The following PAPPA2 variants were observed in gnomAD, a reference collection of about 807,000 sequenced individuals.
PAPPA2 encodes pappalysin-2.
In PAPPA2, 86 loss-of-function variants were observed where a neutral mutation model predicts 176.4. That is an observed-to-expected ratio of 0.49 (90% CI 0.41 to 0.58). PAPPA2 has a LOEUF of 0.58. Ranked by LOEUF, PAPPA2 falls within the 20% of genes least tolerant of loss-of-function variation. The probability of loss-of-function intolerance (pLI) is 0.00; values close to 1 mark genes in which losing one functional copy is unlikely to be tolerated. For missense variants in PAPPA2, 2,073 were observed against 2,256.9 expected, an observed-to-expected ratio of 0.92 and a Z score of 1.65; for synonymous variants, 809 against 852.2, an observed-to-expected ratio of 0.95 and a Z score of 0.88.
chr1:176,836,767 C>G (rs1571400508), intron 21 of PAPPA2: 1 of 151,898 alleles, frequency 6.6e-6, no homozygotes, highest in African/African-American at 2.4e-5. Context: ...AACTCCTGTT[C>G]ACATCTTGAT....
intron 21 of PAPPA2, among the ~76,000 whole-genome samples, chr1:176,816,241 G>GTACATATA (rs1553209489): frequency 8.8e-5 from 10 of 113,522 alleles, no homozygotes. Context: ...GTGTGTGTGT[G>GTACATATA]TATATATATA....
chr1:176,801,672 G>A (rs1400288731), intron 21 of PAPPA2, among the ~76,000 whole-genome samples: 1 of 152,026 alleles, frequency 6.6e-6, no homozygotes. Flanking sequence ...GGCCAGGGAA[G>A]GAGGGAGATA....
At chr1:176,686,134 G>A (rs1052256761) in intron 4 of PAPPA2, among the ~76,000 whole-genome samples, 9 of 152,184 alleles carry the variant, frequency 5.9e-5, no homozygotes, top group African/African-American at 1.2e-4. Context: ...TGTGAGAGTG[G>A]ATGAAGGGTG....
intron 3 of PAPPA2, among the ~76,000 whole-genome samples, chr1:176,633,753 A>G (rs1181072255): frequency 1.4e-5 from 2 of 141,822 alleles, no homozygotes; most frequent in Admixed American, 1.3e-4. Flanking sequence ...CAAGAAAAAA[A>G]CAAACAACCC....
chr1:176,595,951 C>T (rs1290301139), intron 3 of PAPPA2, among the ~76,000 whole-genome samples: 1 of 152,220 alleles, frequency 6.6e-6, no homozygotes, highest in Non-Finnish European at 1.5e-5. Flanking sequence ...ACAAACAAGG[C>T]ATCCAGGCCT....
intron 19 of PAPPA2, 85 bp from the exon 20 acceptor site, chr1:176,793,475 A>G (rs1349287466): frequency 1.7e-6 from 2 of 1,196,588 alleles, no homozygotes; most frequent in African/African-American, 3.1e-5. Flanking sequence ...GTTGTTCTTT[A>G]AAAACTCAAA....
At chr1:176,829,824 G>A (rs541888907) in intron 21 of PAPPA2, among the ~76,000 whole-genome samples, 4 of 152,342 alleles carry the variant, frequency 2.6e-5, no homozygotes, top group African/African-American at 9.6e-5. Flanking sequence ...GAGAGGAGGG[G>A]CACAGTGAGT....
chr1:176,481,895 A>G (rs958175666), intron 1 of PAPPA2, among the ~76,000 whole-genome samples: 1 of 151,468 alleles, frequency 6.6e-6, no homozygotes, highest in African/African-American at 2.4e-5. Context: ...TTTTTTTAGT[A>G]GAGATCTGGT....
chr1:176,646,482 G>A (rs1657404831), intron 3 of PAPPA2, among the ~76,000 whole-genome samples: 1 of 149,768 alleles, frequency 6.7e-6, no homozygotes, highest in African/African-American at 2.5e-5. Context: ...TCACCCAGTT[G>A]TGCTATAACA....
At chr1:176,685,249 T>C (rs2102796864) in intron 4 of PAPPA2, among the ~76,000 whole-genome samples, 1 of 152,344 alleles carries the variant, frequency 6.6e-6, no homozygotes. Flanking sequence ...CTTATTTATT[T>C]GCCTTACTAC....
chr1:176,781,912 C>T (rs771055671), intron 17 of PAPPA2, among the ~76,000 whole-genome samples: 1 of 152,134 alleles, frequency 6.6e-6, no homozygotes, highest in Non-Finnish European at 1.5e-5. Flanking sequence ...AAAAATGGAC[C>T]ATGTATCAGA....
At chr1:176,619,839 G>A (rs1480516811) in intron 3 of PAPPA2, among the ~76,000 whole-genome samples, 3 of 151,782 alleles carry the variant, frequency 2.0e-5, no homozygotes, top group Non-Finnish European at 2.9e-5. Flanking sequence ...TGAGTAAAGG[G>A]ACCAGTAGTG....
chr1:176,702,150 A>G (rs73046381), intron 8 of PAPPA2, among the ~76,000 whole-genome samples: 143 of 152,348 alleles, frequency 9.4e-4, no homozygotes, highest in African/African-American at 3.3e-3. Flanking sequence ...TTCTCAAGAC[A>G]GGAATTCTCT....
intron 3 of PAPPA2, among the ~76,000 whole-genome samples, chr1:176,628,071 C>T (rs1461051376): frequency 6.6e-6 from 1 of 152,124 alleles, no homozygotes; most frequent in Non-Finnish European, 1.5e-5. Context: ...AAAGACCATG[C>T]ATTCAAATTG....
At position 176,557,178 on chromosome 1, in the gene PAPPA2, G is replaced by A. The variant is rs374207181; in HGVS notation, c.856G>A (p.Ala286Thr). The A allele has an allele frequency of 2.5e-4, 407 of 1,613,308 alleles. No homozygotes were observed. The highest frequency in any genetic ancestry group is 3.3e-4 in the Admixed American group (20 of 59,940). Residue 286 changes from alanine to threonine, a missense_variant, in exon 2 of 23, where the codon GCG becomes ACG. By Grantham distance (58) the Ala-to-Thr change is moderately conservative. Transcript: ENST00000367662. ...AGTGCTGGCTGAGATTCCCCGGGAG[G>A]CGTTCACAGTGGAAGCCTGGGTTAA... ...PEVLAEIPRE[A>T]FTVEAWVKPE...
In PAPPA2 at chr1:176,483,460, CTTTTTTTT is replaced by C. The variant is rs56705620; in HGVS notation, c.-917+20063_-917+20070del. ...CCTCCCTTAGGTGAAACTCAGACAT[CTTTTTTTT>C]TTTTTTTTTTTTTTTTTTTTGAGAT... On this transcript the variant is annotated intron_variant, in intron 1 of 22. Coordinates refer to ENST00000367662, the MANE Select transcript of PAPPA2 (RefSeq NM_020318.3). Among the ~76,000 whole-genome samples, 9 of 48,630 alleles carry C rather than the reference CTTTTTTTT, an allele frequency of 1.9e-4. No homozygotes were observed. In the East Asian group the frequency reaches 6.0e-3, roughly 32 times the overall value. The allele number at this position is 48,630 out of a possible 152,430, so 31.9% of individuals were successfully genotyped here.
chr1:176,731,717 A>C (rs1662161282), intron 12 of PAPPA2, among the ~76,000 whole-genome samples: 1 of 144,132 alleles, frequency 6.9e-6, no homozygotes, highest in Admixed American at 6.8e-5. Flanking sequence ...GTATATATAC[A>C]CACATATATG....
intron 20 of PAPPA2, among the ~76,000 whole-genome samples, 173 bp from the exon 21 acceptor site, chr1:176,799,888 G>A (rs1297119653): frequency 6.6e-6 from 1 of 152,094 alleles, no homozygotes; most frequent in Non-Finnish European, 1.5e-5. Flanking sequence ...GTCAGGGTGG[G>A]CAGTGTGCAC....
rs148121758 is a variant in PAPPA2 at position 176,619,725 on chromosome 1, C to T, written c.1991+24130C>T. ...CCTTTTCTATGGGTCTTTCTGTAAT[C>T]TGCCATTTTTCTTTTTCATATACTT... is the stretch of plus-strand genomic sequence containing the variant. On this transcript the variant is annotated intron_variant, in intron 3 of 22. Transcript: ENST00000367662. 3.9e-5 allele frequency among the ~76,000 whole-genome samples: 6 copies of T among 152,218 alleles called. No individual in the cohort carries two copies. The East Asian group carries it at 9.7e-4, about 25-fold the overall frequency.
Sources: allele counts gnomAD v4.1 joint callset (sites outside exome capture counted in the v4.1 genomes callset), GRCh38; gene constraint gnomAD v4.1.1; transcripts MANE v1.5; gene names NCBI Gene and HGNC (gene_info 2026-07-23, HGNC 2026-07-21).